The following MARCHF6 variants were observed in gnomAD, a reference collection of about 807,000 sequenced individuals.
The protein encoded by MARCHF6 is membrane associated ring-CH-type finger 6.
In MARCHF6, 31 loss-of-function variants were observed where a neutral mutation model predicts 133.7. The ratio of observed to expected loss-of-function variants is 0.23; its 90% confidence interval spans 0.17 to 0.31. MARCHF6 has a LOEUF of 0.31. MARCHF6 is among the 10% of genes least tolerant of loss of function. The probability of loss-of-function intolerance (pLI) is 1.00; values close to 1 mark genes in which losing one functional copy is unlikely to be tolerated. For missense variants in MARCHF6, 723 were observed against 1,121.6 expected, an observed-to-expected ratio of 0.64 and a Z score of 5.08; for synonymous variants, 395 against 402.5, an observed-to-expected ratio of 0.98 and a Z score of 0.22.
At chr5:10,386,048 C>T (rs1294695193) in intron 4 of MARCHF6, among the ~76,000 whole-genome samples, 2 of 151,304 alleles carry the variant, frequency 1.3e-5, no homozygotes, top group African/African-American at 4.9e-5. Context: ...TTTAGCGATA[C>T]ACAGCACTCT....
chr5:10,378,634 AT>A, intron 2 of MARCHF6, 124 bp from the exon 3 acceptor site: 2 of 620,512 alleles, frequency 3.2e-6, no homozygotes, highest in Non-Finnish European at 5.5e-6. Context: ...AATATTCTAA[AT>A]TTGAAAATTT....
chr5:10,390,842 T>A (rs9312731), intron 6 of MARCHF6, among the ~76,000 whole-genome samples: 2,451 of 152,296 alleles, frequency 0.016, 77 homozygotes, highest in African/African-American at 0.057. Context: ...TACATTTTTT[T>A]AAAAATGTAT....
At chr5:10,386,449 T>A (rs998807995) in intron 4 of MARCHF6, among the ~76,000 whole-genome samples, 2 of 152,260 alleles carry the variant, frequency 1.3e-5, no homozygotes, top group African/African-American at 4.8e-5. Context: ...CCATACTTTG[T>A]CTTTCTCTAA....
intron 17 of MARCHF6, among the ~76,000 whole-genome samples, chr5:10,407,870 C>T (rs372519415): frequency 1.4e-4 from 22 of 151,826 alleles, no homozygotes; most frequent in African/African-American, 3.9e-4. Flanking sequence ...GCAGGAGAAT[C>T]GCTTGAACCC....
rs553789428 is a variant in MARCHF6 at position 10,439,035 on chromosome 5, A to G, written c.*5351A>G. On this transcript the variant is annotated 3_prime_UTR_variant, in exon 26 of 26. Coordinates refer to ENST00000274140, the MANE Select transcript of MARCHF6 (RefSeq NM_005885.4). ...TCTGCTTCTCTGTGTTTGTTCAGTAACTCTTCTTTAGGATACACCTAAAGA... is the reference window on the plus strand; with the variant it reads ...TCTGCTTCTCTGTGTTTGTTCAGTAGCTCTTCTTTAGGATACACCTAAAGA... 6.6e-6 allele frequency: 1 copy of G among 152,076 alleles called. No homozygotes were observed. Among genetic ancestry groups the G allele is most frequent in the South Asian group, 2.1e-4 (1 of 4,818 alleles). The allele number at this position is 152,076 out of a possible 1,614,324, so 9.4% of individuals were successfully genotyped here. A position where few individuals can be genotyped will look rare whatever the true frequency, so the allele number is the denominator to read the frequency against.
intron 5 of MARCHF6, among the ~76,000 whole-genome samples, chr5:10,388,568 C>T (rs1215448752): frequency 6.6e-6 from 1 of 152,160 alleles, no homozygotes; most frequent in Non-Finnish European, 1.5e-5. Flanking sequence ...CTCAGCTGAG[C>T]TTTTCATCTA....
At chr5:10,411,803 A>G (rs1408898874) in intron 19 of MARCHF6, among the ~76,000 whole-genome samples, 1 of 152,224 alleles carries the variant, frequency 6.6e-6, no homozygotes, top group Non-Finnish European at 1.5e-5. Context: ...TTATTGATAC[A>G]TTTCAACAGT....
chr5:10,395,018 C>G (rs1738100296), intron 9 of MARCHF6, among the ~76,000 whole-genome samples: 1 of 152,134 alleles, frequency 6.6e-6, no homozygotes. Flanking sequence ...CCAGGATGGT[C>G]TCGATCTCCT....
rs144117579 is a variant in MARCHF6, at chr5:10,425,466, A to G, written c.2374-924A>G. Among the ~76,000 whole-genome samples, 254 of 152,266 alleles carry G rather than the reference A, an allele frequency of 1.7e-3. 1 individual carries two copies. The highest frequency in any genetic ancestry group is 5.8e-3 in the African/African-American group (241 of 41,550). ...TCTTATTCATTGTTTTCTCTTGCGTATGTGCGTGTGTGTCTCTGTAAATTT... is the reference window on the plus strand; with the variant it reads ...TCTTATTCATTGTTTTCTCTTGCGTGTGTGCGTGTGTGTCTCTGTAAATTT... On this transcript the variant is annotated intron_variant, in intron 23 of 25. Transcript: ENST00000274140.
intron 1 of MARCHF6, among the ~76,000 whole-genome samples, chr5:10,374,526 A>G (rs959350082): frequency 3.3e-5 from 5 of 151,976 alleles, no homozygotes; most frequent in African/African-American, 7.3e-5. Context: ...GCGTGGTTCT[A>G]TTTTGTTTGT....
intron 9 of MARCHF6, among the ~76,000 whole-genome samples, chr5:10,396,804 G>A (rs1738217667): frequency 6.6e-6 from 1 of 152,212 alleles, no homozygotes; most frequent in African/African-American, 2.4e-5. Context: ...GGAGGGACCA[G>A]AGGAGATCAA....
At position 10,390,514 on chromosome 5, in the gene MARCHF6, C is replaced by T; in HGVS notation, c.576+14C>T. 6.2e-7 allele frequency: 1 copy of T among 1,608,326 alleles called. No individual in the cohort carries two copies. The highest frequency in any genetic ancestry group is 8.5e-7 in the Non-Finnish European group (1 of 1,177,484). On this transcript the variant is annotated intron_variant, in intron 6 of 25. Coordinates refer to ENST00000274140, the MANE Select transcript of MARCHF6 (RefSeq NM_005885.4). ...CACCAAAATGAGGTAACTCCCCTAC[C>T]CCAAAATTGATTTTACTTAGGTAGG...
chr5:10,378,864 T>A, intron 3 of MARCHF6, 32 bp downstream of exon 3: 1 of 1,492,798 alleles, frequency 6.7e-7, no homozygotes, highest in Non-Finnish European at 9.3e-7. Flanking sequence ...ACTGCATTTT[T>A]TTTGGTTATC....
intron 8 of MARCHF6, 147 bp downstream of exon 8, chr5:10,394,290 A>G (rs1738045472): frequency 4.2e-6 from 2 of 472,510 alleles, no homozygotes; most frequent in African/African-American, 4.1e-5. Flanking sequence ...GTTAAGTGAT[A>G]TATTGTTTAT....
At chr5:10,405,272 C>T (rs928812566) in intron 15 of MARCHF6, among the ~76,000 whole-genome samples, 2 of 151,906 alleles carry the variant, frequency 1.3e-5, no homozygotes, top group African/African-American at 4.8e-5. Context: ...ATTTATTTTT[C>T]GTCTCAGAGG....
At chr5:10,408,797 C>T (rs1352359511) in intron 17 of MARCHF6, among the ~76,000 whole-genome samples, 1 of 152,170 alleles carries the variant, frequency 6.6e-6, no homozygotes, top group Non-Finnish European at 1.5e-5. Context: ...CCTCAGCCTC[C>T]CAAAATGTTA....
intron 1 of MARCHF6, among the ~76,000 whole-genome samples, chr5:10,354,252 C>G (rs568424575): frequency 3.3e-4 from 50 of 152,316 alleles, no homozygotes; most frequent in African/African-American, 9.9e-4. Context: ...TCGCTGCCGT[C>G]CGGGGGCGTT....
At position 10,436,778 on chromosome 5, in the gene MARCHF6, A is replaced by G. The variant is rs1280637108; in HGVS notation, c.*3094A>G. On this transcript the variant is annotated 3_prime_UTR_variant, in exon 26 of 26. Coordinates refer to ENST00000274140, the MANE Select transcript of MARCHF6 (RefSeq NM_005885.4). Reference sequence around the variant, plus strand: ...GTTTGTGTATAGCTAGCCTTAAAAAACTTCCCATGTTTTTAGGTGACTTTT... The same window carrying G: ...GTTTGTGTATAGCTAGCCTTAAAAAGCTTCCCATGTTTTTAGGTGACTTTT... The G allele has an allele frequency of 6.6e-6, 1 of 152,132 alleles. No individual in the cohort carries two copies. Among genetic ancestry groups the G allele is most frequent in the African/African-American group, 2.4e-5 (1 of 41,412 alleles). 9.4% of individuals were successfully genotyped at this position (152,132 alleles called of 1,614,324 possible). A position where few individuals can be genotyped will look rare whatever the true frequency, so the allele number is the denominator to read the frequency against.
At chr5:10,362,751 A>G (rs1021095447) in intron 1 of MARCHF6, among the ~76,000 whole-genome samples, 4 of 152,178 alleles carry the variant, frequency 2.6e-5, no homozygotes, top group Admixed American at 6.5e-5. Context: ...CTTTGATACT[A>G]TGTCAAAACT....
Sources: gnomAD v4.1 joint callset for allele counts (sites outside exome capture counted in the v4.1 genomes callset) on GRCh38, gnomAD v4.1.1 for gene constraint, MANE v1.5 for transcripts, NCBI Gene and HGNC (gene_info 2026-07-23, HGNC 2026-07-21) for gene names.